Variants in PRR5 observed in about 807,000 individuals in gnomAD.
The protein encoded by PRR5 is proline rich 5.
A neutral mutation model predicts 30.6 loss-of-function variants in PRR5; 25 were observed. The ratio of observed to expected loss-of-function variants is 0.82; its 90% CI spans 0.60 to 1.14. PRR5 has a LOEUF of 1.14. PRR5 is among the 50% of genes most tolerant of loss of function. The probability of loss-of-function intolerance (pLI) is 0.00; values close to 1 mark genes in which losing one functional copy is unlikely to be tolerated. For synonymous variants in PRR5, 286 were observed against 247.1 expected, an observed-to-expected ratio of 1.16 and a Z score of -1.48; for missense variants, 600 against 547.1, an observed-to-expected ratio of 1.10 and a Z score of -0.96.
chr22:44,686,665 A>G (rs557490368), intron 1 of PRR5, among the ~76,000 whole-genome samples: 137 of 152,220 alleles, frequency 9.0e-4, no homozygotes, highest in Non-Finnish European at 1.3e-3. Context: ...ACAGGTGTAC[A>G]CCACCACGCC....
Position 44,702,545 on chromosome 22 carries a change from C to A in PRR5, c.71C>A (p.Ala24Asp), listed in dbSNP as rs773596885. The A allele has an allele frequency of 1.4e-6, 2 of 1,448,308 alleles. No homozygotes were observed. The highest frequency in any genetic ancestry group is 1.8e-6 in the Non-Finnish European group (2 of 1,099,376). 89.7% of individuals were successfully genotyped at this position (1,448,308 alleles called of 1,614,324 possible). A position where few individuals can be genotyped will look rare whatever the true frequency, so the allele number is the denominator to read the frequency against. The change falls in exon 1 of 8, where the codon GCC (alanine) becomes GAC (aspartate). Residue 24 changes from alanine (A) to aspartate (D), a missense_variant. Physicochemically the swap from Ala to Asp is moderately radical, Grantham distance 126 (BLOSUM62 -2). Coordinates refer to ENST00000336985, the MANE Select transcript of PRR5 (RefSeq NM_181333.4). ...AGTGACCTGGGCAAGAGAGAGCCGG[C>A]CGCCGCCGCGGACGAGCGGGGCACG... ...SLSDLGKREP[A>D]AAADERGTQQ...
At chr22:44,700,543 T>C (rs1926164969), upstream of PRR5, among the ~76,000 whole-genome samples, 1 of 152,142 alleles carries the variant, frequency 6.6e-6, no homozygotes, top group African/African-American at 2.4e-5. Flanking sequence ...GGAGGGTTGC[T>C]TGAACCCAGG....
intron 1 of PRR5, among the ~76,000 whole-genome samples, chr22:44,685,593 ACCCTCTCCCCAGTGAAAGCCACAC>A (rs1396585592): frequency 2.5e-5 from 3 of 122,212 alleles, no homozygotes; most frequent in Non-Finnish European, 5.1e-5. Context: ...TGAAAGCCAC[ACCCTCTCCCCAGTGAAAGCCACAC>A]CCCTCTCCCC....
chr22:44,719,437 G>A (rs187787039), intron 2 of PRR5, among the ~76,000 whole-genome samples: 2 of 152,284 alleles, frequency 1.3e-5, no homozygotes, highest in African/African-American at 2.4e-5. Flanking sequence ...CGGATTTAAG[G>A]ACCCAAACCT....
At chr22:44,706,770 C>T (rs1419902826) in intron 1 of PRR5, among the ~76,000 whole-genome samples, 2 of 152,104 alleles carry the variant, frequency 1.3e-5, no homozygotes, top group Admixed American at 1.3e-4. Context: ...TCAAGCAATC[C>T]ACCTGCCTCA....
chr22:44,680,294 T>C (rs547300526), intron 1 of PRR5, among the ~76,000 whole-genome samples: 2 of 152,166 alleles, frequency 1.3e-5, no homozygotes, highest in East Asian at 3.9e-4. Flanking sequence ...GAAGAGCACC[T>C]GCCCCGTGGC....
At chr22:44,701,470 T>C (rs1926280163), upstream of PRR5, among the ~76,000 whole-genome samples, 1 of 152,248 alleles carries the variant, frequency 6.6e-6, no homozygotes, top group African/African-American at 2.4e-5. Flanking sequence ...TGTTAGTTCA[T>C]GTGAAATCAG....
upstream of PRR5, among the ~76,000 whole-genome samples, chr22:44,700,221 T>C (rs188958296): frequency 2.2e-4 from 33 of 152,234 alleles, no homozygotes; most frequent in African/African-American, 7.9e-4. Flanking sequence ...CCCAGCACTT[T>C]AGGAGGCCGA....
chr22:44,735,935 C>T (rs1482808218), intron 7 of PRR5, among the ~76,000 whole-genome samples: 1 of 152,224 alleles, frequency 6.6e-6, no homozygotes, highest in African/African-American at 2.4e-5. Context: ...TGGTGTAGCC[C>T]TGGATGGCAG....
intron 1 of PRR5, among the ~76,000 whole-genome samples, chr22:44,680,914 C>T (rs902171866): frequency 1.3e-5 from 2 of 152,198 alleles, no homozygotes; most frequent in African/African-American, 2.4e-5. Flanking sequence ...CTGCGGGACC[C>T]GGACAGAGCA....
chr22:44,733,797 C>T (rs1353737900), intron 6 of PRR5, among the ~76,000 whole-genome samples: 6 of 152,252 alleles, frequency 3.9e-5, no homozygotes, highest in Middle Eastern at 3.4e-3. Context: ...CTCATTGTAA[C>T]ACAGGCCAGG....
chr22:44,730,828 C>T, intron 4 of PRR5: 1 of 433,722 alleles, frequency 2.3e-6, no homozygotes, highest in South Asian at 2.2e-5. Context: ...GGGCCACTGA[C>T]TGTGGTGCAC....
At chr22:44,679,797 G>A (rs1289461336) in intron 1 of PRR5, 5 of 1,596,108 alleles carry the variant, frequency 3.1e-6, no homozygotes, top group Non-Finnish European at 4.3e-6. Flanking sequence ...AAGACATAGA[G>A]CCATGGTGTG....
intron 2 of PRR5, among the ~76,000 whole-genome samples, chr22:44,716,189 G>A (rs1011210936): frequency 6.6e-5 from 10 of 152,296 alleles, no homozygotes; most frequent in South Asian, 2.1e-4. Context: ...GGCTTCCCTC[G>A]TCAGCCCCAG....
At chr22:44,703,682 T>C (rs1212184529) in intron 1 of PRR5, among the ~76,000 whole-genome samples, 1 of 152,128 alleles carries the variant, frequency 6.6e-6, no homozygotes, top group Non-Finnish European at 1.5e-5. Flanking sequence ...AGGACTCCTG[T>C]TGGGAAATCT....
chr22:44,722,563 G>T (rs1602059611), intron 2 of PRR5, among the ~76,000 whole-genome samples: 1 of 152,196 alleles, frequency 6.6e-6, no homozygotes, highest in Non-Finnish European at 1.5e-5. Flanking sequence ...ATGGCATGGT[G>T]GGGGCAGCCA....
intron 1 of PRR5, among the ~76,000 whole-genome samples, chr22:44,684,950 C>G (rs572672602): frequency 1.3e-5 from 2 of 152,270 alleles, no homozygotes; most frequent in Admixed American, 1.3e-4. Context: ...AGTGGCAGCC[C>G]GGGACTCAGG....
At chr22:44,673,686 T>G (rs1925170833), upstream of PRR5, among the ~76,000 whole-genome samples, 2 of 152,232 alleles carry the variant, frequency 1.3e-5, no homozygotes, top group South Asian at 4.2e-4. Flanking sequence ...TGACTGATAG[T>G]CTAGGGCTTG....
chr22:44,689,456 T>A (rs2146964515), intron 1 of PRR5, among the ~76,000 whole-genome samples: 1 of 152,228 alleles, frequency 6.6e-6, no homozygotes, highest in East Asian at 1.9e-4. Flanking sequence ...GCTACGAGAG[T>A]TTCTGTAGCC....
Sources: allele counts gnomAD v4.1 joint callset (sites outside exome capture counted in the v4.1 genomes callset), GRCh38; gene constraint gnomAD v4.1.1; transcripts MANE v1.5; gene names NCBI Gene and HGNC (gene_info 2026-07-23, HGNC 2026-07-21).